ZBP1: variants seen among roughly 807,000 people sequenced by gnomAD.
ZBP1 encodes Z-DNA-binding protein 1.
ZBP1 carries 42 observed loss-of-function variants against 41.1 expected under a neutral mutation model. That is an observed-to-expected ratio of 1.02 (90% confidence interval 0.80 to 1.32). The LOEUF (loss-of-function observed/expected upper bound fraction) is 1.32, where lower values mean the gene tolerates loss of function less well. Ranked by LOEUF, ZBP1 falls within the 40% of genes most tolerant of loss-of-function variation. The probability of loss-of-function intolerance (pLI) is 0.00; values close to 1 mark genes in which losing one functional copy is unlikely to be tolerated. For synonymous variants in ZBP1, 214 were observed against 205.2 expected, an observed-to-expected ratio of 1.04 and a Z score of -0.37; for missense variants, 562 against 549.7, an observed-to-expected ratio of 1.02 and a Z score of -0.22.
intron 4 of ZBP1, among the ~76,000 whole-genome samples, chr20:57,614,186 C>T (rs1301386191): frequency 2.6e-5 from 4 of 151,932 alleles, no homozygotes; most frequent in Non-Finnish European, 5.9e-5. Context: ...AGGCGCCCAC[C>T]ACCACACCTG....
chr20:57,619,117 C>T (rs1047653057), intron 1 of ZBP1, among the ~76,000 whole-genome samples: 2 of 152,240 alleles, frequency 1.3e-5, no homozygotes, highest in African/African-American at 4.8e-5. Flanking sequence ...GAAAAGCCAG[C>T]GAGGGCTGAG....
rs1016957097 is a variant in ZBP1, at chr20:57,613,010, G to A, written c.670+153C>T. 33 of 1,475,480 alleles carry A rather than the reference G, an allele frequency of 2.2e-5. No homozygotes were observed. In the Admixed American group the frequency reaches 4.7e-4, roughly 21 times the overall value. 91.4% of individuals were successfully genotyped at this position (1,475,480 alleles called of 1,614,324 possible). On this transcript the variant is annotated intron_variant, in intron 5 of 7. Coordinates refer to ENST00000371173, the MANE Select transcript of ZBP1 (RefSeq NM_030776.3). This position sits in a 1 kb window ranked among gnomAD's most constrained non-coding sequence, Gnocchi z 4.5. ...ATCCAGGTGTCCTCATTCTCAGGACGGCCGTAAAGGTGGACTGTGGGGGTC... is the reference window on the plus strand; with the variant it reads ...ATCCAGGTGTCCTCATTCTCAGGACAGCCGTAAAGGTGGACTGTGGGGGTC...
chr20:57,619,318 C>T (rs1600750265), intron 1 of ZBP1, among the ~76,000 whole-genome samples: 1 of 152,302 alleles, frequency 6.6e-6, no homozygotes, highest in African/African-American at 2.4e-5. Flanking sequence ...AGCTGTGTGA[C>T]CTCCCCTCCG....
Position 57,610,540 on chromosome 20 carries a change from C to T in ZBP1, c.875-173G>A, listed in dbSNP as rs539303290. 4.1e-5 allele frequency: 27 copies of T among 658,260 alleles called. 1 individual carries two copies. Among genetic ancestry groups the T allele is most frequent in the Middle Eastern group, 8.3e-4 (2 of 2,398 alleles). 40.8% of individuals were successfully genotyped at this position (658,260 alleles called of 1,614,324 possible). A position where few individuals can be genotyped will look rare whatever the true frequency, so the allele number is the denominator to read the frequency against. On this transcript the variant is annotated intron_variant, in intron 6 of 7. Transcript: ENST00000371173. This position sits in a 1 kb window ranked among gnomAD's most constrained non-coding sequence, Gnocchi z 5.5. ...CACCTCCACCCGCCACACCTCCGCT[C>T]GTGCTGTTGTGCTGTCTGGGAAGCG...
Position 57,611,746 on chromosome 20 carries a change from G to T in ZBP1, c.855C>A (p.Ile285=), listed in dbSNP as rs747511830. 1 of 1,611,224 alleles carries T rather than the reference G, an allele frequency of 6.2e-7. No individual in the cohort carries two copies. Among genetic ancestry groups the T allele is most frequent in the South Asian group, 1.1e-5 (1 of 90,250 alleles). ...AGTTACCTGGGGGGCTGCCAGGGGGGATGTGGGCAGGGCCCTCGGACGGGA... is the reference window on the plus strand; with the variant it reads ...AGTTACCTGGGGGGCTGCCAGGGGGTATGTGGGCAGGGCCCTCGGACGGGA... ...HGVPSEGPAH[I]PPGSPPVSAT... Residue 285 remains isoleucine, a synonymous_variant, in exon 6 of 8, where the codon ATC becomes ATA. Transcript: ENST00000371173.
chr20:57,613,071 C>T lies in ZBP1; in HGVS notation c.670+92G>A, dbSNP rs1328894555. The T allele has an allele frequency of 6.4e-7, 1 of 1,565,608 alleles. No homozygotes were observed. The highest frequency in any genetic ancestry group is 1.2e-5 in the South Asian group (1 of 86,442). On this transcript the variant is annotated intron_variant, in intron 5 of 7. Transcript: ENST00000371173. The surrounding 1 kb of genome is among the most constrained non-coding windows in gnomAD (Gnocchi z 4.5). ...CCTTTCCCCTTGGAGGGCAGAATCC[C>T]CCCACTCCCCATCCCTACCCTTTGC...
chr20:57,607,247 T>C (rs2070521303), intron 7 of ZBP1: 1 of 1,303,538 alleles, frequency 7.7e-7, no homozygotes, highest in Non-Finnish European at 1.0e-6. Flanking sequence ...AAGAAGTTGA[T>C]TCCAAATTTC....
chr20:57,614,864 G>C, intron 4 of ZBP1, 23 bp downstream of exon 4: 1 of 1,613,414 alleles, frequency 6.2e-7, no homozygotes, highest in Non-Finnish European at 8.5e-7. Context: ...CTGCAGCCCA[G>C]ACACAGGCAG....
intron 5 of ZBP1, chr20:57,612,869 C>G (rs114947868): frequency 7.8e-7 from 1 of 1,280,340 alleles, no homozygotes; most frequent in South Asian, 2.2e-5. Context: ...TAAGGTCAGG[C>G]GCAACACAGA....
At chr20:57,611,684 C>G in intron 6 of ZBP1, 43 bp downstream of exon 6, 1 of 1,570,148 alleles carries the variant, frequency 6.4e-7, no homozygotes, top group Non-Finnish European at 8.7e-7. Context: ...AGTGAGGACC[C>G]ACGGGGTGGC....
chr20:57,605,900 C>T (rs753263322), intron 7 of ZBP1, among the ~76,000 whole-genome samples: 29 of 152,100 alleles, frequency 1.9e-4, no homozygotes, highest in Non-Finnish European at 3.5e-4. Context: ...TGCCATTGCA[C>T]TCCAGCCTAG....
chr20:57,619,240 CTG>C (rs1238455015), intron 1 of ZBP1, among the ~76,000 whole-genome samples: 1 of 152,226 alleles, frequency 6.6e-6, no homozygotes, highest in East Asian at 1.9e-4. Flanking sequence ...GGGGCACACT[CTG>C]TGTTGGTTTT....
At chr20:57,608,243 T>C (rs1055850811) in intron 7 of ZBP1, among the ~76,000 whole-genome samples, 3 of 152,062 alleles carry the variant, frequency 2.0e-5, no homozygotes, top group Non-Finnish European at 2.9e-5. Context: ...TGCCTCAGCC[T>C]CCTGAGTAGC....
At chr20:57,614,783 T>C in intron 4 of ZBP1, 104 bp downstream of exon 4, 1 of 1,452,720 alleles carries the variant, frequency 6.9e-7, no homozygotes, top group South Asian at 1.3e-5. Flanking sequence ...TCCAGAAGCT[T>C]CTAGCAGTTT....
chr20:57,607,592 C>T (rs2070528881), intron 7 of ZBP1, among the ~76,000 whole-genome samples: 3 of 152,166 alleles, frequency 2.0e-5, no homozygotes, highest in South Asian at 4.1e-4. Flanking sequence ...AGTAAAATGC[C>T]ATCAAACAGC....
chr20:57,610,879 G>A lies in ZBP1; in HGVS notation c.875-512C>T, dbSNP rs986542026. Among the ~76,000 whole-genome samples the A allele has an allele frequency of 6.9e-5, 10 of 144,544 alleles. No homozygotes were observed. The highest frequency in any genetic ancestry group is 9.0e-5 in the Non-Finnish European group (6 of 66,510). 94.8% of individuals were successfully genotyped at this position (144,544 alleles called of 152,430 possible). A position where few individuals can be genotyped will look rare whatever the true frequency, so the allele number is the denominator to read the frequency against. ...GAAACCACCCCCTCAAGGTTACCAC[G>A]ATCCCTCTCGCTGAACCCCACAGAT... is the stretch of plus-strand genomic sequence containing the variant. On this transcript the variant is annotated intron_variant, in intron 6 of 7. Coordinates refer to ENST00000371173, the MANE Select transcript of ZBP1 (RefSeq NM_030776.3). The surrounding 1 kb of genome is among the most constrained non-coding windows in gnomAD (Gnocchi z 5.5).
At chr20:57,605,813 A>G (rs2070480844) in intron 7 of ZBP1, among the ~76,000 whole-genome samples, 1 of 152,166 alleles carries the variant, frequency 6.6e-6, no homozygotes, top group African/African-American at 2.4e-5. Flanking sequence ...GCAGGTCTGT[A>G]ATCACAGCGA....
At chr20:57,618,404 T>G (rs1377091741) in intron 1 of ZBP1, among the ~76,000 whole-genome samples, 1 of 152,170 alleles carries the variant, frequency 6.6e-6, no homozygotes, top group African/African-American at 2.4e-5. Flanking sequence ...GAGGGAAGAA[T>G]CAGTTTGTGC....
At chr20:57,609,461 A>C (rs2070588952) in intron 7 of ZBP1, among the ~76,000 whole-genome samples, 1 of 152,160 alleles carries the variant, frequency 6.6e-6, no homozygotes, top group Non-Finnish European at 1.5e-5. Context: ...GGCTAAGTGC[A>C]GGCCCTCAGA....
Sources: gnomAD v4.1 joint callset for allele counts (sites outside exome capture counted in the v4.1 genomes callset) on GRCh38, gnomAD v4.1.1 for gene constraint, Gnocchi (gnomAD v3.1) non-coding constraint, MANE v1.5 for transcripts, NCBI Gene and HGNC (gene_info 2026-07-23, HGNC 2026-07-21) for gene names.